The following C6 variants were observed in gnomAD, a reference collection of about 807,000 sequenced individuals.
The protein encoded by C6 is complement component C6.
A neutral mutation model predicts 112.9 loss-of-function variants in C6; 101 were observed. The ratio of observed to expected loss-of-function variants is 0.89; its 90% CI spans 0.76 to 1.06. The LOEUF is 1.06. Among genes scored for constraint, C6 ranks in the 50% least tolerant of loss-of-function variants. C6 has a pLI of 0.00. For synonymous variants in C6, 431 were observed against 384.1 expected, an observed-to-expected ratio of 1.12 and a Z score of -1.43; for missense variants, 1,202 against 1,104.6, an observed-to-expected ratio of 1.09 and a Z score of -1.25.
chr5:41,187,045 G>T (rs1383300844), intron 5 of C6, among the ~76,000 whole-genome samples: 1 of 152,000 alleles, frequency 6.6e-6, no homozygotes, highest in Admixed American at 6.6e-5. Flanking sequence ...TATAAAAATC[G>T]TTTTCTACAG....
chr5:41,251,081 A>G (rs1342983619), intron 1 of C6, among the ~76,000 whole-genome samples: 1 of 152,216 alleles, frequency 6.6e-6, no homozygotes, highest in Non-Finnish European at 1.5e-5. Flanking sequence ...AGTGCGGAGA[A>G]CTATAATAAA....
At chr5:41,222,267 C>T (rs1739221456) in intron 1 of C6, among the ~76,000 whole-genome samples, 1 of 151,690 alleles carries the variant, frequency 6.6e-6, no homozygotes, top group Non-Finnish European at 1.5e-5. Context: ...ATATATGTTG[C>T]TAACTTTCAT....
upstream of C6, among the ~76,000 whole-genome samples, chr5:41,216,288 C>G (rs527348220): frequency 1.8e-3 from 271 of 152,278 alleles, 1 homozygote; most frequent in Non-Finnish European, 2.6e-3. Flanking sequence ...CATTAACCTC[C>G]TAATTGCCAA....
intron 5 of C6, among the ~76,000 whole-genome samples, chr5:41,192,040 G>A (rs1750257469): frequency 6.6e-6 from 1 of 152,018 alleles, no homozygotes; most frequent in South Asian, 2.1e-4. Flanking sequence ...CTAGCTGTGG[G>A]TTTGCCATAT....
upstream of C6, among the ~76,000 whole-genome samples, chr5:41,217,239 C>A (rs112534803): frequency 2.0e-3 from 311 of 152,190 alleles, 3 homozygotes; most frequent in African/African-American, 6.9e-3. Flanking sequence ...ACATATGAAT[C>A]TCTTTTTACC....
chr5:41,209,117 A>T (rs899725155), intron 1 of C6, among the ~76,000 whole-genome samples: 1 of 152,194 alleles, frequency 6.6e-6, no homozygotes, highest in Non-Finnish European at 1.5e-5. Context: ...CAACGACAAA[A>T]ACCACATGAT....
chr5:41,229,898 C>T (rs1041878724), intron 1 of C6, among the ~76,000 whole-genome samples: 3 of 152,076 alleles, frequency 2.0e-5, no homozygotes, highest in African/African-American at 7.2e-5. Context: ...AACAGAGGGA[C>T]CAGCTGGAGC....
intron 13 of C6, 43 bp from the exon 14 acceptor site, chr5:41,155,147 A>G: frequency 1.9e-6 from 3 of 1,567,700 alleles, no homozygotes; most frequent in Non-Finnish European, 2.6e-6. Context: ...GCTATGAATA[A>G]CACTCTCTAA....
At chr5:41,170,070 A>G (rs908064837) in intron 9 of C6, among the ~76,000 whole-genome samples, 7 of 152,150 alleles carry the variant, frequency 4.6e-5, no homozygotes, top group African/African-American at 1.7e-4. Context: ...GTATATAATC[A>G]AGAAAAAATT....
At position 41,149,299 on chromosome 5, in the gene C6, G is replaced by A. The variant is rs748671833; in HGVS notation, c.2565C>T (p.Asn855=). The A allele has an allele frequency of 2.7e-5, 43 of 1,613,932 alleles. 1 individual carries two copies. The South Asian group carries it at 4.5e-4, about 17-fold the overall frequency. Residue 855 remains asparagine (N), a synonymous_variant, in exon 17 of 18, where the codon AAC becomes AAT. Coordinates refer to ENST00000337836, the MANE Select transcript of C6 (RefSeq NM_000065.5). ...WGLERTRLSS[N]STKKESCGYD... Reference sequence around the variant, plus strand: ...AGCCACAGGATTCTTTCTTTGTGCTGTTGGATGAAAGTCTTGTCCTTTCAA... The same window carrying A: ...AGCCACAGGATTCTTTCTTTGTGCTATTGGATGAAAGTCTTGTCCTTTCAA...
In C6 at chr5:41,181,556, G is replaced by T; in HGVS notation, c.730C>A (p.Gln244Lys). 6.2e-6 allele frequency: 10 copies of T among 1,611,346 alleles called. No homozygotes were observed. The highest frequency in any genetic ancestry group is 8.5e-6 in the Non-Finnish European group (10 of 1,178,000). Residue 244 changes from glutamine (Q) to lysine (K), a missense_variant, in exon 7 of 18, where the codon CAA (glutamine) becomes AAA (lysine). Gln to Lys is a moderately conservative substitution (Grantham distance 53). Transcript: ENST00000337836. ...GTTTTCAAGTCATCTTCTGCAGTTT[G>T]TACCTGGAGAAAAATCCATGTAAAA... Reference protein sequence around the residue: ...ANLENVGFEVQTAEDDLKTDF... With the variant: ...ANLENVGFEVKTAEDDLKTDF...
At chr5:41,261,261 C>G in exon 1 of C6, 2 of 958,260 alleles carry the variant, frequency 2.1e-6, no homozygotes, top group South Asian at 9.6e-5. Flanking sequence ...TCCAGAGTAA[C>G]TGGTTTCATA....
chr5:41,257,987 T>A lies in C6; in HGVS notation c.-21+3207A>T, dbSNP rs182132582. On this transcript the variant is annotated intron_variant, in intron 1 of 17. Transcript: ENST00000263413. ...AAAATTTCACATAGAAAAAAATCTT[T>A]TTACATAATTAACTCATTTTTTTCT... Among the ~76,000 whole-genome samples the A allele has an allele frequency of 8.5e-5, 13 of 152,286 alleles. No individual in the cohort carries two copies. In the East Asian group the frequency reaches 2.5e-3, roughly 29 times the overall value.
At chr5:41,170,000 G>T (rs904500369) in intron 9 of C6, among the ~76,000 whole-genome samples, 11 of 151,936 alleles carry the variant, frequency 7.2e-5, no homozygotes, top group Non-Finnish European at 1.5e-4. Flanking sequence ...TTTCCAGTAG[G>T]ACTTAATACT....
At chr5:41,176,201 A>C (rs965459570) in intron 8 of C6, among the ~76,000 whole-genome samples, 4 of 152,178 alleles carry the variant, frequency 2.6e-5, no homozygotes, top group Non-Finnish European at 5.9e-5. Context: ...GTGTAAGCTT[A>C]TGATGTTCCC....
At chr5:41,203,360 T>G in intron 1 of C6, 110 bp from the exon 2 acceptor site, 1 of 1,145,666 alleles carries the variant, frequency 8.7e-7, no homozygotes, top group South Asian at 1.3e-5. Flanking sequence ...TTTGCATTTT[T>G]CTGCCTTCCT....
At chr5:41,164,582 A>G (rs1488047219) in intron 9 of C6, among the ~76,000 whole-genome samples, 1 of 152,186 alleles carries the variant, frequency 6.6e-6, no homozygotes, top group Non-Finnish European at 1.5e-5. Flanking sequence ...AAACAATGAA[A>G]GGTTTTGAGG....
chr5:41,256,698 G>T (rs1741736513), intron 1 of C6, among the ~76,000 whole-genome samples: 1 of 152,130 alleles, frequency 6.6e-6, no homozygotes, highest in East Asian at 1.9e-4. Flanking sequence ...CCTCAATAAT[G>T]TTGCCAACTG....
chr5:41,159,323 C>T, intron 11 of C6, 70 bp from the exon 12 acceptor site: 1 of 1,561,024 alleles, frequency 6.4e-7, no homozygotes, highest in Non-Finnish European at 8.7e-7. Context: ...GTGAGGCCAA[C>T]CTGGTTTCCT....
Sources: allele counts gnomAD v4.1 joint callset (sites outside exome capture counted in the v4.1 genomes callset), GRCh38; gene constraint gnomAD v4.1.1; transcripts MANE v1.5; gene names NCBI Gene and HGNC (gene_info 2026-07-23, HGNC 2026-07-21).